The following CCDC92 variants were observed in gnomAD, a reference collection of about 807,000 sequenced individuals.
CCDC92 encodes the protein coiled-coil domain-containing protein 92.
In CCDC92, 12 loss-of-function variants were observed where a neutral mutation model predicts 24.9. The ratio of observed to expected loss-of-function variants is 0.48; its 90% CI spans 0.31 to 0.78. The LOEUF is 0.78. CCDC92 is among the 30% of genes least tolerant of loss of function. The pLI, the probability that CCDC92 is intolerant of heterozygous loss-of-function variation, is 0.05. For missense variants in CCDC92, 399 were observed against 439.4 expected (o/e 0.91, Z 0.82); for synonymous variants, 193 against 196.3 (o/e 0.98, Z 0.14).
Position 123,940,125 on chromosome 12 carries a change from T to C in CCDC92, c.224-2295A>G, listed in dbSNP as rs77912577. 6.6e-3 allele frequency among the ~76,000 whole-genome samples: 998 copies of C among 152,314 alleles called. 6 individuals are homozygous for C. Among genetic ancestry groups the C allele is most frequent in the African/African-American group, 0.022 (933 of 41,566 alleles). On this transcript the variant is annotated intron_variant, in intron 4 of 4. Transcript: ENST00000238156. Reference sequence around the variant, plus strand: ...TTCAGGAACAAGGCTGTCCCTGGGCTTTGCTCATGTCCTGTGAGGGGCAGC... The same window carrying C: ...TTCAGGAACAAGGCTGTCCCTGGGCCTTGCTCATGTCCTGTGAGGGGCAGC...
At chr12:123,949,390 G>A (rs930393877) in intron 1 of CCDC92, among the ~76,000 whole-genome samples, 15 of 152,244 alleles carry the variant, frequency 9.9e-5, no homozygotes, top group African/African-American at 3.1e-4. Context: ...AACCAAAGGC[G>A]GCAAGGCCAG....
chr12:123,970,431 A>G (rs913113407), intron 1 of CCDC92: 3 of 152,248 alleles, frequency 2.0e-5, no homozygotes, highest in African/African-American at 7.2e-5. Flanking sequence ...ATAATTACTC[A>G]AAATAAATGA....
Position 123,937,748 on chromosome 12 carries a change from A to G in CCDC92, c.306T>C (p.Asn102=). ...EAQLKVKENE[N]AELLKELEQK... is the part of the protein sequence containing the mutation. The stretch of plus-strand genomic sequence containing the variant: ...GCTCCAGTTCTTTCAACAACTCAGC[A>G]TTTTCGTTCTCTTTCACTTTCAGTT... Residue 102 remains asparagine, a synonymous_variant, in exon 5 of 5, where the codon AAT becomes AAC. Transcript: ENST00000238156. The surrounding 1 kb of genome is among the most constrained non-coding windows in gnomAD (Gnocchi z 8.4). 6.2e-7 allele frequency: 1 copy of G among 1,614,002 alleles called. No homozygotes were observed. Among genetic ancestry groups the G allele is most frequent in the Non-Finnish European group, 8.5e-7 (1 of 1,180,012 alleles).
intron 3 of CCDC92, 75 bp downstream of exon 3, chr12:123,943,272 T>C (rs1364370729): frequency 6.5e-7 from 1 of 1,527,476 alleles, no homozygotes; most frequent in African/African-American, 1.4e-5. Flanking sequence ...AGGGCAGGCC[T>C]AGCACATTCT....
At chr12:123,969,149 G>T (rs1956461838) in intron 1 of CCDC92, among the ~76,000 whole-genome samples, 1 of 152,132 alleles carries the variant, frequency 6.6e-6, no homozygotes, top group Non-Finnish European at 1.5e-5. Flanking sequence ...TCCCATTGCT[G>T]ATAAAACCAT....
chr12:123,965,790 T>C (rs978178787), intron 1 of CCDC92, among the ~76,000 whole-genome samples: 2 of 152,126 alleles, frequency 1.3e-5, no homozygotes, highest in African/African-American at 4.8e-5. Flanking sequence ...CAAGAAGGGA[T>C]GCCAGGGAAA....
In CCDC92 at chr12:123,954,146, T is replaced by C. The variant is rs533417951; in HGVS notation, c.-59-9782A>G. The stretch of plus-strand genomic sequence containing the variant: ...TCCACTAACAAAGTAGTATCATATG[T>C]TTTAATAATATTGTTCCAGGGTAAT... On this transcript the variant is annotated intron_variant, in intron 1 of 4. Transcript: ENST00000238156. Among the ~76,000 whole-genome samples, 3 of 152,328 alleles carry C rather than the reference T, an allele frequency of 2.0e-5. No homozygotes were observed. In the East Asian group the frequency reaches 5.8e-4, roughly 29 times the overall value.
In CCDC92 at chr12:123,960,462, T is replaced by A. The variant is rs373586769; in HGVS notation, c.-60+12067A>T. ...TTCCTGGAGTTTGTGACATACAGTATCTTCTCTGGTGCAGCTTACTGACAC... is the reference window on the plus strand; with the variant it reads ...TTCCTGGAGTTTGTGACATACAGTAACTTCTCTGGTGCAGCTTACTGACAC... On this transcript the variant is annotated intron_variant, in intron 1 of 4. Transcript: ENST00000238156. Among the ~76,000 whole-genome samples, 133 of 152,346 alleles carry A rather than the reference T, an allele frequency of 8.7e-4. 5 individuals carry two copies. In the South Asian group the frequency reaches 0.027, roughly 31 times the overall value.
At chr12:123,942,658 CCTAAGTGTGTGA>C (rs1241326835) in intron 4 of CCDC92, 74 bp downstream of exon 4, 1 of 1,010,688 alleles carries the variant, frequency 9.9e-7, no homozygotes, top group Admixed American at 1.7e-5. Flanking sequence ...AGCATTTTCT[CCTAAGTGTGTGA>C]CTAGTGAAAA....
At chr12:123,943,311 C>CG in intron 3 of CCDC92, 36 bp downstream of exon 3, 1 of 1,602,432 alleles carries the variant, frequency 6.2e-7, no homozygotes, top group Non-Finnish European at 8.5e-7. Flanking sequence ...GCCCCATAGC[C>CG]GCCCCCCGCC....
chr12:123,938,612 C>A (rs1268647628), intron 4 of CCDC92, among the ~76,000 whole-genome samples: 1 of 152,240 alleles, frequency 6.6e-6, no homozygotes. Flanking sequence ...CCATCCTACT[C>A]CTCCTAACGC....
Position 123,936,835 on chromosome 12 carries a change from C to T in CCDC92, c.*223G>A, listed in dbSNP as rs1024499232. 6 of 616,154 alleles carry T rather than the reference C, an allele frequency of 9.7e-6. No homozygotes were observed. Among genetic ancestry groups the T allele is most frequent in the African/African-American group, 5.6e-5 (3 of 54,054 alleles). The allele number at this position is 616,154 out of a possible 1,614,324, so 38.2% of individuals were successfully genotyped here. On this transcript the variant is annotated 3_prime_UTR_variant, in exon 5 of 5. Coordinates refer to ENST00000238156, the MANE Select transcript of CCDC92 (RefSeq NM_025140.3). ...GGAGCGGGATCAGAAGCAAGCGATT[C>T]GGCACACAGGCGTTTGGCCACAGCA...
chr12:123,937,704 G>C lies in CCDC92; in HGVS notation c.350C>G (p.Thr117Arg). 6.2e-7 allele frequency: 1 copy of C among 1,614,130 alleles called. No homozygotes were observed. The change falls in exon 5 of 5, where the codon ACA becomes AGA. Residue 117 changes from threonine to arginine, a missense_variant. Coordinates refer to ENST00000238156, the MANE Select transcript of CCDC92 (RefSeq NM_025140.3). The surrounding 1 kb of genome is among the most constrained non-coding windows in gnomAD (Gnocchi z 8.4). ...KELEQKNAMI[T>R]VLENTIKERE... is the part of the protein sequence containing the mutation. The stretch of plus-strand genomic sequence containing the variant: ...CTCCTTGATGGTGTTCTCCAGCACT[G>C]TGATCATCGCGTTTTTCTGCTCCAG...
intron 1 of CCDC92, among the ~76,000 whole-genome samples, chr12:123,965,376 T>C (rs1406662866): frequency 6.6e-6 from 1 of 152,216 alleles, no homozygotes; most frequent in African/African-American, 2.4e-5. Context: ...TTGACCTCTG[T>C]ATATTCTGTC....
intron 1 of CCDC92, among the ~76,000 whole-genome samples, chr12:123,958,208 C>G (rs1044931313): frequency 2.0e-5 from 3 of 152,082 alleles, no homozygotes; most frequent in Admixed American, 2.0e-4. Flanking sequence ...CATGCAATAC[C>G]ATGCCCGGCT....
intron 1 of CCDC92, among the ~76,000 whole-genome samples, chr12:123,951,224 G>A (rs776015946): frequency 3.9e-5 from 6 of 151,960 alleles, no homozygotes; most frequent in Non-Finnish European, 5.9e-5. Flanking sequence ...ACTACACTGC[G>A]TTCGTCAAAA....
At chr12:123,947,952 G>A (rs949324652) in intron 1 of CCDC92, among the ~76,000 whole-genome samples, 3 of 152,224 alleles carry the variant, frequency 2.0e-5, no homozygotes, top group South Asian at 2.1e-4. Flanking sequence ...GTGAGACCGC[G>A]AACCCACCAG....
intron 1 of CCDC92, among the ~76,000 whole-genome samples, chr12:123,962,994 G>C (rs1455788031): frequency 6.6e-6 from 1 of 152,216 alleles, no homozygotes; most frequent in East Asian, 1.9e-4. Context: ...AGTTGGAGCA[G>C]TGGTTCTCAG....
Position 123,964,146 on chromosome 12 carries a change from C to T in CCDC92, c.-60+8383G>A, listed in dbSNP as rs879139732. Among the ~76,000 whole-genome samples, 15 of 152,274 alleles carry T rather than the reference C, an allele frequency of 9.9e-5. No individual in the cohort carries two copies. The East Asian group carries it at 2.1e-3, about 22-fold the overall frequency. On this transcript the variant is annotated intron_variant, in intron 1 of 4. Coordinates refer to ENST00000238156, the MANE Select transcript of CCDC92 (RefSeq NM_025140.3). ...TGGTAAATCTTAAAATGGTTTTCTA[C>T]TTGGAAAAGGTCTCTCCCAAAATAA...
Sources: gnomAD v4.1 joint callset for allele counts (sites outside exome capture counted in the v4.1 genomes callset) on GRCh38, gnomAD v4.1.1 for gene constraint, Gnocchi (gnomAD v3.1) non-coding constraint, MANE v1.5 for transcripts, NCBI Gene and HGNC (gene_info 2026-07-23, HGNC 2026-07-21) for gene names.